Variants in SGCD observed in about 807,000 individuals in gnomAD.
The protein encoded by SGCD is sarcoglycan delta.
In SGCD, 18 loss-of-function variants were observed where a neutral mutation model predicts 36.6. The observed-to-expected ratio is 0.49, with a 90% CI of 0.34 to 0.73. The LOEUF is 0.73. Among genes scored for constraint, SGCD ranks in the 30% least tolerant of loss-of-function variants. The pLI, the probability that SGCD is intolerant of heterozygous loss-of-function variation, is 0.01. For missense variants in SGCD, 387 were observed against 346.7 expected, an observed-to-expected ratio of 1.12 and a Z score of -0.92; for synonymous variants, 133 against 130.6, an observed-to-expected ratio of 1.02 and a Z score of -0.12.
At chr5:155,855,302 A>C in the SGCD span, among the ~76,000 whole-genome samples, 8 of 152,100 alleles carry the variant, frequency 5.3e-5, no homozygotes, top group Non-Finnish European at 1.0e-4. Context: ...GCTGTTCTAC[A>C]CTGGATTGCA....
chr5:155,940,894 T>C (rs1296593807), intron 1 of SGCD, among the ~76,000 whole-genome samples: 1 of 151,936 alleles, frequency 6.6e-6, no homozygotes, highest in Non-Finnish European at 1.5e-5. Context: ...CATTAACTAG[T>C]GTTATTATAA....
chr5:156,274,537 G>A (rs1766267419), intron 3 of SGCD, among the ~76,000 whole-genome samples: 1 of 152,090 alleles, frequency 6.6e-6, no homozygotes, highest in African/African-American at 2.4e-5. Context: ...TATTTAATCA[G>A]TGCATATAGG....
Position 156,761,229 on chromosome 5 carries a change from CACTT to C in SGCD, c.*1845_*1848del. 1 of 152,300 alleles carries C rather than the reference CACTT, an allele frequency of 6.6e-6. No individual in the cohort carries two copies. The highest frequency in any genetic ancestry group is 1.5e-5 in the Non-Finnish European group (1 of 68,052). The allele number at this position is 152,300 out of a possible 1,614,324, so 9.4% of individuals were successfully genotyped here. ...AAAAGCAAGCTGTGTGTTGCTTAGT[CACTT>C]ACTTAGAAGTAGATGGTGGGGGACA... On this transcript the variant is annotated 3_prime_UTR_variant, in exon 9 of 9. Coordinates refer to ENST00000337851, the MANE Select transcript of SGCD (RefSeq NM_000337.6).
the SGCD span, among the ~76,000 whole-genome samples, chr5:155,742,494 G>A: frequency 6.6e-6 from 1 of 152,144 alleles, no homozygotes; most frequent in African/African-American, 2.4e-5. Flanking sequence ...GACTTATACT[G>A]GATGATAGAG....
At chr5:156,148,440 T>G (rs192726028) in intron 3 of SGCD, among the ~76,000 whole-genome samples, 43 of 152,302 alleles carry the variant, frequency 2.8e-4, no homozygotes, top group African/African-American at 8.9e-4. Context: ...TTATCTGTCT[T>G]GCTAACATAT....
the SGCD span, among the ~76,000 whole-genome samples, chr5:155,785,991 G>A: frequency 1.3e-5 from 2 of 152,250 alleles, no homozygotes; most frequent in South Asian, 4.1e-4. Context: ...TGTTACGTTG[G>A]GGTATGTGAA....
chr5:156,382,642 ATAG>A (rs1289493211), intron 3 of SGCD, among the ~76,000 whole-genome samples: 1 of 152,178 alleles, frequency 6.6e-6, no homozygotes, highest in African/African-American at 2.4e-5. Context: ...TATAATAATA[ATAG>A]TAGGGATATA....
chr5:156,318,753 G>A (rs568282896), intron 3 of SGCD, among the ~76,000 whole-genome samples: 5 of 151,912 alleles, frequency 3.3e-5, no homozygotes, highest in Admixed American at 2.0e-4. Context: ...GTGCCCCCTC[G>A]CCTGGCTCAG....
At chr5:156,284,055 G>A (rs1177785160) in intron 3 of SGCD, among the ~76,000 whole-genome samples, 1 of 152,094 alleles carries the variant, frequency 6.6e-6, no homozygotes. Context: ...ATACCTTGGA[G>A]AACTCTTAGT....
chr5:156,404,329 G>A (rs1339113486), intron 3 of SGCD, among the ~76,000 whole-genome samples: 1 of 152,172 alleles, frequency 6.6e-6, no homozygotes, highest in African/African-American at 2.4e-5. Context: ...GGAAATGTCA[G>A]TCTCACAAAA....
At chr5:155,988,382 C>T (rs1417392918) in intron 1 of SGCD, among the ~76,000 whole-genome samples, 1 of 152,048 alleles carries the variant, frequency 6.6e-6, no homozygotes, top group African/African-American at 2.4e-5. Flanking sequence ...TTCTCATTGG[C>T]CAGAATGATG....
intron 1 of SGCD, among the ~76,000 whole-genome samples, chr5:155,884,684 T>C (rs1264418629): frequency 1.3e-5 from 2 of 152,226 alleles, no homozygotes; most frequent in African/African-American, 2.4e-5. Context: ...ACTCTAGACA[T>C]GAGCAGATTT....
chr5:155,889,173 C>T (rs1756070176), intron 1 of SGCD, among the ~76,000 whole-genome samples: 1 of 152,136 alleles, frequency 6.6e-6, no homozygotes, highest in East Asian at 1.9e-4. Flanking sequence ...AGTGCCTCTC[C>T]ATAGCAAGCC....
At position 156,042,859 on chromosome 5, in the gene SGCD, T is replaced by C. The variant is rs1759671081; in HGVS notation, c.-281-75019T>C. Among the ~76,000 whole-genome samples, 3 of 152,134 alleles carry C rather than the reference T, an allele frequency of 2.0e-5. No homozygotes were observed. In the South Asian group the frequency reaches 6.2e-4, roughly 32 times the overall value. ...CAGAATAATGGCTGGTAATCATTTA[T>C]ATCTACACCTCAGCAGAACTGGGCT... On this transcript the variant is annotated intron_variant, in intron 1 of 9. Transcript: ENST00000517913.
chr5:156,648,983 G>A (rs547686316), intron 7 of SGCD, among the ~76,000 whole-genome samples: 60 of 152,248 alleles, frequency 3.9e-4, no homozygotes, highest in African/African-American at 1.2e-3. Context: ...TCAGTAATTA[G>A]TGATGATTAG....
At chr5:156,012,859 G>A (rs1758888761) in intron 1 of SGCD, among the ~76,000 whole-genome samples, 1 of 151,712 alleles carries the variant, frequency 6.6e-6, no homozygotes, top group Non-Finnish European at 1.5e-5. Flanking sequence ...TGATCTGCCT[G>A]CCTCGAAAAG....
intron 1 of SGCD, among the ~76,000 whole-genome samples, chr5:155,887,210 A>G (rs1376910697): frequency 1.3e-5 from 2 of 152,214 alleles, no homozygotes; most frequent in Non-Finnish European, 2.9e-5. Context: ...ATATCATTCT[A>G]GTCATATTTT....
chr5:155,737,488 A>T, the SGCD span, among the ~76,000 whole-genome samples: 1 of 152,254 alleles, frequency 6.6e-6, no homozygotes, highest in Non-Finnish European at 1.5e-5. Flanking sequence ...ATTCCCATTC[A>T]TTAAAAAGAA....
chr5:156,154,480 C>A (rs901750880), intron 3 of SGCD, among the ~76,000 whole-genome samples: 5 of 151,778 alleles, frequency 3.3e-5, no homozygotes, highest in African/African-American at 7.3e-5. Flanking sequence ...AAATTCATTT[C>A]AAAAATAAAT....
Sources: gnomAD v4.1 joint callset for allele counts (sites outside exome capture counted in the v4.1 genomes callset) on GRCh38, gnomAD v4.1.1 for gene constraint, MANE v1.5 for transcripts, NCBI Gene and HGNC (gene_info 2026-07-23, HGNC 2026-07-21) for gene names.